Variants in PRKAA2 observed in about 807,000 individuals in gnomAD.
PRKAA2 encodes protein kinase AMP-activated catalytic subunit alpha 2.
Under a neutral mutation model 56.3 loss-of-function variants are expected in PRKAA2, and 40 were observed. That is an observed-to-expected ratio of 0.71 (90% CI 0.55 to 0.92). The LOEUF (loss-of-function observed/expected upper bound fraction) is 0.92, where lower values mean the gene tolerates loss of function less well. Ranked by LOEUF, PRKAA2 falls within the 40% of genes least tolerant of loss-of-function variation. PRKAA2 has a pLI of 0.00. For synonymous variants in PRKAA2, 214 were observed against 234.2 expected, an observed-to-expected ratio of 0.91 and a Z score of 0.79; for missense variants, 542 against 686.9, an observed-to-expected ratio of 0.79 and a Z score of 2.36.
At chr1:56,686,181 A>G (rs964772855) in intron 2 of PRKAA2, among the ~76,000 whole-genome samples, 3 of 152,266 alleles carry the variant, frequency 2.0e-5, no homozygotes, top group African/African-American at 7.2e-5. Flanking sequence ...TCAACTCAAT[A>G]AGCATGGGCA....
chr1:56,652,985 A>G (rs1384559016), intron 1 of PRKAA2, among the ~76,000 whole-genome samples: 1 of 152,272 alleles, frequency 6.6e-6, no homozygotes, highest in African/African-American at 2.4e-5. Flanking sequence ...CTGTATGACT[A>G]AGTCATGTAA....
intron 1 of PRKAA2, among the ~76,000 whole-genome samples, chr1:56,655,280 A>ATATATATATTTTTTTTTTTTT: frequency 1.4e-3 from 129 of 93,600 alleles, no homozygotes; most frequent in Non-Finnish European, 2.0e-3. Flanking sequence ...ATATATATAT[A>ATATATATATTTTTTTTTTTTT]TTTTTTTTTT....
At position 56,709,112 on chromosome 1, in the gene PRKAA2, T is replaced by G. The variant is rs1430139031; in HGVS notation, c.*1399T>G. On this transcript the variant is annotated 3_prime_UTR_variant, in exon 9 of 9. Coordinates refer to ENST00000371244, the MANE Select transcript of PRKAA2 (RefSeq NM_006252.4). ...TCATTTGTTATTTTTATGTTGTAATTAACACTTATTTACCTGGATTACCCT... is the reference window on the plus strand; with the variant it reads ...TCATTTGTTATTTTTATGTTGTAATGAACACTTATTTACCTGGATTACCCT... The G allele has an allele frequency of 6.6e-6, 1 of 152,176 alleles. No individual in the cohort carries two copies. The highest frequency in any genetic ancestry group is 2.4e-5 in the African/African-American group (1 of 41,454). The allele number at this position is 152,176 out of a possible 1,614,324, so 9.4% of individuals were successfully genotyped here. A position where few individuals can be genotyped will look rare whatever the true frequency, so the allele number is the denominator to read the frequency against.
At chr1:56,662,283 A>G (rs544704701) in intron 1 of PRKAA2, among the ~76,000 whole-genome samples, 18 of 152,304 alleles carry the variant, frequency 1.2e-4, no homozygotes, top group African/African-American at 4.3e-4. Flanking sequence ...ACTTTTGATT[A>G]AAAAGGAAAC....
At chr1:56,654,147 T>G (rs1368627418) in intron 1 of PRKAA2, among the ~76,000 whole-genome samples, 1 of 152,112 alleles carries the variant, frequency 6.6e-6, no homozygotes, top group African/African-American at 2.4e-5. Context: ...CCATATAAAT[T>G]AGAAAGGATT....
At chr1:56,706,343 T>G (rs1644331913) in intron 8 of PRKAA2, 125 bp downstream of exon 8, 2 of 1,041,592 alleles carry the variant, frequency 1.9e-6, no homozygotes, top group Admixed American at 5.3e-5. Context: ...CAATCTAGAC[T>G]TAACCAAAAT....
At chr1:56,649,238 G>A (rs907068244) in intron 1 of PRKAA2, among the ~76,000 whole-genome samples, 3 of 152,202 alleles carry the variant, frequency 2.0e-5, no homozygotes, top group Admixed American at 6.5e-5. Context: ...TATGTATGGT[G>A]TGAGATGAGG....
At chr1:56,645,536 A>T (rs1557538445) in intron 1 of PRKAA2, 55 bp downstream of exon 1, 4 of 1,406,962 alleles carry the variant, frequency 2.8e-6, no homozygotes, top group Non-Finnish European at 1.9e-6. Context: ...CGGGAGGCCG[A>T]GGGGAGAGGC....
At chr1:56,677,399 G>A (rs535817469) in intron 2 of PRKAA2, among the ~76,000 whole-genome samples, 11 of 152,298 alleles carry the variant, frequency 7.2e-5, no homozygotes, top group African/African-American at 2.6e-4. Context: ...TATGAGAAGA[G>A]AAAGCTGAAA....
At chr1:56,658,579 T>G (rs1338462071) in intron 1 of PRKAA2, among the ~76,000 whole-genome samples, 1 of 120,284 alleles carries the variant, frequency 8.3e-6, no homozygotes, top group Non-Finnish European at 1.8e-5. Flanking sequence ...TGTTGTTTTT[T>G]TTTTTCTTCC....
At chr1:56,703,764 ATGT>A (rs1421345534) in intron 6 of PRKAA2, among the ~76,000 whole-genome samples, 2 of 152,220 alleles carry the variant, frequency 1.3e-5, no homozygotes, top group African/African-American at 4.8e-5. Flanking sequence ...TTTTGAGAAA[ATGT>A]TGTCCAAATG....
chr1:56,647,018 TAGAG>T (rs1199430501), intron 1 of PRKAA2, among the ~76,000 whole-genome samples: 1 of 152,164 alleles, frequency 6.6e-6, no homozygotes, highest in Non-Finnish European at 1.5e-5. Flanking sequence ...GAAGGGAAGA[TAGAG>T]AGTCTTGTGA....
chr1:56,681,557 T>A (rs1644155319), intron 2 of PRKAA2, among the ~76,000 whole-genome samples: 1 of 152,192 alleles, frequency 6.6e-6, no homozygotes, highest in African/African-American at 2.4e-5. Flanking sequence ...AGGGGTCCAG[T>A]TTCAGCTTTC....
intron 1 of PRKAA2, among the ~76,000 whole-genome samples, chr1:56,655,280 A>ATTTTTT (rs1207874046): frequency 1.2e-4 from 11 of 93,648 alleles, no homozygotes; most frequent in African/African-American, 2.3e-4. Context: ...ATATATATAT[A>ATTTTTT]TTTTTTTTTT....
At chr1:56,654,753 T>C (rs567110505) in intron 1 of PRKAA2, among the ~76,000 whole-genome samples, 13 of 152,278 alleles carry the variant, frequency 8.5e-5, no homozygotes, top group African/African-American at 2.9e-4. Context: ...ATAGAAGCCT[T>C]CTTCACCCCT....
At chr1:56,674,616 C>T in intron 2 of PRKAA2, 94 bp downstream of exon 2, 1 of 1,145,562 alleles carries the variant, frequency 8.7e-7, no homozygotes, top group Non-Finnish European at 1.2e-6. Flanking sequence ...TAACCTTTTA[C>T]AAAGATTTTT....
At chr1:56,674,689 C>T (rs1312176452) in intron 2 of PRKAA2, among the ~76,000 whole-genome samples, 167 bp downstream of exon 2, 2 of 150,900 alleles carry the variant, frequency 1.3e-5, no homozygotes, top group African/African-American at 4.9e-5. Flanking sequence ...TTTTTGCATA[C>T]TCTTGGTTAG....
chr1:56,676,037 G>C (rs970520895), intron 2 of PRKAA2, among the ~76,000 whole-genome samples: 6 of 152,160 alleles, frequency 3.9e-5, no homozygotes, highest in African/African-American at 1.4e-4. Context: ...CTTTGTCAGT[G>C]AGCAGTCTTT....
chr1:56,662,243 T>C (rs1463587885), intron 1 of PRKAA2, among the ~76,000 whole-genome samples: 1 of 152,144 alleles, frequency 6.6e-6, no homozygotes, highest in Non-Finnish European at 1.5e-5. Flanking sequence ...AACTTGAATT[T>C]AGGAAGAATC....
Sources: gnomAD v4.1 joint callset for allele counts (sites outside exome capture counted in the v4.1 genomes callset) on GRCh38, gnomAD v4.1.1 for gene constraint, MANE v1.5 for transcripts, NCBI Gene and HGNC (gene_info 2026-07-23, HGNC 2026-07-21) for gene names.